The following CHUK variants were observed in gnomAD, a reference collection of about 807,000 sequenced individuals.
CHUK encodes the protein inhibitor of nuclear factor kappa-B kinase subunit alpha.
CHUK carries 35 observed loss-of-function variants against 104.8 expected under a neutral mutation model. The ratio of observed to expected loss-of-function variants is 0.33; its 90% confidence interval spans 0.26 to 0.44. The LOEUF is 0.44. Among genes scored for constraint, CHUK ranks in the 20% least tolerant of loss-of-function variants. CHUK has a pLI of 1.00. For synonymous variants in CHUK, 276 were observed against 291.9 expected (o/e 0.95, Z 0.56); for missense variants, 663 against 902.7 (o/e 0.73, Z 3.40).
At chr10:100,205,242 A>G in intron 11 of CHUK, 43 bp from the exon 12 acceptor site, 1 of 1,602,932 alleles carries the variant, frequency 6.2e-7, no homozygotes, top group South Asian at 1.1e-5. Flanking sequence ...GAGGTTAGTT[A>G]CTTTTGAGGA....
At chr10:100,217,253 A>T (rs1467333022) in intron 9 of CHUK, among the ~76,000 whole-genome samples, 1 of 107,092 alleles carries the variant, frequency 9.3e-6, no homozygotes, top group South Asian at 2.7e-4. Context: ...TTGACTTGTT[A>T]AAAAAAAAAA....
In CHUK at chr10:100,205,210, G is replaced by C. The variant is rs1341984719; in HGVS notation, c.1232-11C>G. 1 of 1,613,658 alleles carries C rather than the reference G, an allele frequency of 6.2e-7. No homozygotes were observed. The highest frequency in any genetic ancestry group is 2.2e-5 in the East Asian group (1 of 44,872). On this transcript the variant is annotated splice_polypyrimidine_tract_variant and intron_variant, in intron 11 of 20. Transcript: ENST00000370397. Reference sequence around the variant, plus strand: ...TTTTGCTGTCCTGTACTATATACAAGAAGATGAGAAAAAGGGCAAGGGAGG... The same window carrying C: ...TTTTGCTGTCCTGTACTATATACAACAAGATGAGAAAAAGGGCAAGGGAGG...
At chr10:100,214,232 T>C (rs1048346061) in intron 9 of CHUK, among the ~76,000 whole-genome samples, 4 of 152,206 alleles carry the variant, frequency 2.6e-5, no homozygotes, top group African/African-American at 9.7e-5. Context: ...CTCACTATAA[T>C]ATTTAATGAG....
At chr10:100,218,935 G>T in intron 7 of CHUK, 73 bp downstream of exon 7, 1 of 1,568,046 alleles carries the variant, frequency 6.4e-7, no homozygotes, top group Admixed American at 1.7e-5. Context: ...AACAATTAAA[G>T]AAAGAAAAAA....
At chr10:100,220,779 T>C in intron 4 of CHUK, 103 bp from the exon 5 acceptor site, 2 of 743,728 alleles carry the variant, frequency 2.7e-6, no homozygotes, top group East Asian at 2.7e-5. Flanking sequence ...CTCAAGTTTA[T>C]ATGGATCATC....
chr10:100,189,436 G>T lies in CHUK; in HGVS notation c.*162C>A. On this transcript the variant is annotated 3_prime_UTR_variant, in exon 21 of 21. Coordinates refer to ENST00000370397, the MANE Select transcript of CHUK (RefSeq NM_001278.5). Reference sequence around the variant, plus strand: ...TGAATTACTCAAAACTGTTATACTTGTAAAATCATGTTCTTCTGATCATAG... The same window carrying T: ...TGAATTACTCAAAACTGTTATACTTTTAAAATCATGTTCTTCTGATCATAG... 1.5e-6 allele frequency: 1 copy of T among 647,896 alleles called. No individual in the cohort carries two copies. The allele number at this position is 647,896 out of a possible 1,614,324, so 40.1% of individuals were successfully genotyped here.
intron 5 of CHUK, 40 bp downstream of exon 5, chr10:100,220,548 T>C (rs760888816): frequency 5.3e-6 from 7 of 1,309,844 alleles, no homozygotes; most frequent in Non-Finnish European, 7.7e-6. Context: ...AGAGAGACTA[T>C]ATTCAATAGG....
Position 100,229,458 on chromosome 10 carries a change from G to T in CHUK, c.75C>A (p.Gly25=). 1 of 1,598,382 alleles carries T rather than the reference G, an allele frequency of 6.3e-7. No individual in the cohort carries two copies. Among genetic ancestry groups the T allele is most frequent in the South Asian group, 1.1e-5 (1 of 90,354 alleles). ...WEMRERLGTG[G]FGNVCLYQHR... Reference sequence around the variant, plus strand: ...GCTGGTACAGACAGACGTTCCCGAAGCCGCCGGTGCCCAGCCGCTCCCGCA... The same window carrying T: ...GCTGGTACAGACAGACGTTCCCGAATCCGCCGGTGCCCAGCCGCTCCCGCA... Residue 25 remains glycine (G), a synonymous_variant, in exon 1 of 21, where the codon GGC becomes GGA. Transcript: ENST00000370397.
At chr10:100,227,673 T>G (rs529385004) in intron 1 of CHUK, among the ~76,000 whole-genome samples, 42 of 152,228 alleles carry the variant, frequency 2.8e-4, no homozygotes, top group Middle Eastern at 3.4e-3. Context: ...TCCAAGATTT[T>G]CTCCTATGCC....
Position 100,209,642 on chromosome 10 carries a change from A to G in CHUK, c.1081T>C (p.Ser361Pro). Residue 361 changes from serine (S) to proline (P), a missense_variant, in exon 10 of 21, where the codon TCT becomes CCT. By Grantham distance (74) the Ser-to-Pro change is moderately conservative. This residue lies in a region of CHUK where 93 missense variants were observed against 95.9 expected (regional missense o/e 0.97). Coordinates refer to ENST00000370397, the MANE Select transcript of CHUK (RefSeq NM_001278.5). ...SQELLSETGI[S>P]LDPRKPASQC... ...GAGGCTGGTTTCCGAGGATCCAGAG[A>G]AATTCCTGTCTCTGAAAGAAGTTCT... The G allele has an allele frequency of 1.2e-6, 2 of 1,611,730 alleles. No homozygotes were observed. Among genetic ancestry groups the G allele is most frequent in the Non-Finnish European group, 1.7e-6 (2 of 1,177,840 alleles).
chr10:100,191,098 C>G, intron 19 of CHUK, 130 bp from the exon 20 acceptor site: 1 of 716,614 alleles, frequency 1.4e-6, no homozygotes, highest in Non-Finnish European at 2.6e-6. Context: ...GCAGTTGACT[C>G]CTGTAGTCTT....
intron 20 of CHUK, 60 bp from the exon 21 acceptor site, chr10:100,189,687 GTGT>G: frequency 2.4e-6 from 3 of 1,254,796 alleles, no homozygotes; most frequent in South Asian, 2.4e-5. Flanking sequence ...AAGTATATGG[GTGT>G]TCATTTTTGC....
chr10:100,187,285 G>A (rs558173509), downstream of CHUK: 1 of 152,242 alleles, frequency 6.6e-6, no homozygotes, highest in African/African-American at 2.4e-5. Context: ...CAGGCCCAGG[G>A]TTACTTAGTA....
intron 16 of CHUK, among the ~76,000 whole-genome samples, chr10:100,198,168 T>C (rs17883980): frequency 0.012 from 1,867 of 152,284 alleles, 40 homozygotes; most frequent in African/African-American, 0.043. Flanking sequence ...TGAATAATCA[T>C]AGTTTGCCTG....
intron 20 of CHUK, chr10:100,190,491 T>G (rs943058995): frequency 1.1e-5 from 3 of 263,898 alleles, no homozygotes; most frequent in Non-Finnish European, 2.2e-5. Flanking sequence ...TATATTAACA[T>G]AATTTATTTT....
At chr10:100,189,728 C>A in intron 20 of CHUK, 101 bp from the exon 21 acceptor site, 2 of 793,802 alleles carry the variant, frequency 2.5e-6, no homozygotes, top group South Asian at 1.6e-5. Flanking sequence ...ATTTCATAAT[C>A]AAAAGTTGAA....
chr10:100,195,827 C>T (rs1004016888), intron 16 of CHUK: 8 of 152,226 alleles, frequency 5.3e-5, no homozygotes, highest in Non-Finnish European at 8.8e-5. Context: ...CAGTTTATTT[C>T]TGAGCTTCAT....
At chr10:100,190,300 C>T (rs767284989) in intron 20 of CHUK, 6 of 164,762 alleles carry the variant, frequency 3.6e-5, no homozygotes, top group Non-Finnish European at 6.6e-5. Flanking sequence ...GGATTACAGG[C>T]GTGAGCCACC....
intron 11 of CHUK, among the ~76,000 whole-genome samples, chr10:100,206,688 A>T (rs1845597826): frequency 1.3e-5 from 2 of 152,310 alleles, no homozygotes; most frequent in East Asian, 3.9e-4. Flanking sequence ...TAAAAGAAAA[A>T]TTCAAAAGAA....
Sources: allele counts gnomAD v4.1 joint callset (sites outside exome capture counted in the v4.1 genomes callset), GRCh38; gene constraint gnomAD v4.1.1; regional missense constraint gnomAD v4.1.1; transcripts MANE v1.5; gene names NCBI Gene and HGNC (gene_info 2026-07-23, HGNC 2026-07-21).